Variants in APP observed in about 807,000 individuals in gnomAD.
APP encodes amyloid beta precursor protein, also known as amyloid-beta precursor protein.
In APP, 31 loss-of-function variants were observed where a neutral mutation model predicts 101.4. That is an observed-to-expected ratio of 0.31 (90% CI 0.23 to 0.41). The LOEUF (loss-of-function observed/expected upper bound fraction) is 0.41. Ranked by LOEUF, APP falls within the 10% of genes least tolerant of loss-of-function variation. The pLI is 1.00. For missense variants in APP, 839 were observed against 1,003.7 expected, an observed-to-expected ratio of 0.84 and a Z score of 2.22; for synonymous variants, 366 against 364.4, an observed-to-expected ratio of 1.00 and a Z score of -0.05.
chr21:26,089,842 G>A, intron 3 of APP, 101 bp downstream of exon 3: 2 of 1,557,792 alleles, frequency 1.3e-6, no homozygotes, highest in Non-Finnish European at 1.8e-6. Flanking sequence ...GCAATGTGCT[G>A]AAGAACAAGT....
chr21:25,990,526 A>C (rs1182801568), intron 8 of APP, among the ~76,000 whole-genome samples: 1 of 152,200 alleles, frequency 6.6e-6, no homozygotes, highest in African/African-American at 2.4e-5. Context: ...GACTTCGTTA[A>C]TGGAGGCACA....
At chr21:26,131,084 C>G (rs1156795735) in intron 1 of APP, among the ~76,000 whole-genome samples, 4 of 152,000 alleles carry the variant, frequency 2.6e-5, no homozygotes, top group African/African-American at 7.3e-5. Context: ...ATAAAATTAG[C>G]TGGGCGTGGT....
At chr21:26,044,791 G>A (rs780789805) in intron 5 of APP, among the ~76,000 whole-genome samples, 16 of 152,070 alleles carry the variant, frequency 1.1e-4, no homozygotes, top group Admixed American at 6.6e-5. Flanking sequence ...GGCCCACCTC[G>A]GCCTCCCAAA....
intron 3 of APP, among the ~76,000 whole-genome samples, chr21:26,056,902 G>C (rs567213495): frequency 1.3e-5 from 2 of 152,296 alleles, no homozygotes; most frequent in East Asian, 3.9e-4. Flanking sequence ...ATCAGAAATT[G>C]TAAGCGATTC....
intron 5 of APP, among the ~76,000 whole-genome samples, chr21:26,033,081 G>A (rs950916191): frequency 2.3e-4 from 35 of 152,294 alleles, no homozygotes; most frequent in African/African-American, 8.2e-4. Flanking sequence ...GTAGCAAACA[G>A]GACACTGTAG....
chr21:26,002,950 A>G lies in APP; in HGVS notation c.866-2768T>C, dbSNP rs540796445. ...GCAAGTCAAGTAATGGGATAAAAGA[A>G]TGATGATCGAAGGAGATGATTCATG... On this transcript the variant is annotated intron_variant, in intron 6 of 17. Coordinates refer to ENST00000346798, the MANE Select transcript of APP (RefSeq NM_000484.4). 6.6e-5 allele frequency among the ~76,000 whole-genome samples: 10 copies of G among 152,332 alleles called. No homozygotes were observed. The South Asian group carries it at 2.1e-3, about 32-fold the overall frequency.
At chr21:26,028,808 T>C (rs1304436826) in intron 5 of APP, among the ~76,000 whole-genome samples, 1 of 152,090 alleles carries the variant, frequency 6.6e-6, no homozygotes, top group East Asian at 1.9e-4. Context: ...AATCTATCTA[T>C]TAGTTGGGGA....
At chr21:26,162,901 G>A (rs1423716728) in intron 1 of APP, among the ~76,000 whole-genome samples, 1 of 116,020 alleles carries the variant, frequency 8.6e-6, no homozygotes, top group Admixed American at 8.8e-5. Flanking sequence ...CTCAAAAAAA[G>A]CATCAGGCAA....
intron 2 of APP, among the ~76,000 whole-genome samples, chr21:26,109,022 C>T (rs1330156020): frequency 3.3e-5 from 5 of 152,150 alleles, no homozygotes; most frequent in East Asian, 3.9e-4. Flanking sequence ...TTACTTATGG[C>T]GCCTAATGTT....
chr21:25,989,899 A>G (rs1035801851), intron 8 of APP, among the ~76,000 whole-genome samples: 1 of 148,238 alleles, frequency 6.7e-6, no homozygotes, highest in African/African-American at 2.6e-5. Context: ...CATGCTTATT[A>G]TAACTTAAAA....
chr21:26,138,895 G>A (rs1345504237), intron 1 of APP, among the ~76,000 whole-genome samples: 1 of 152,158 alleles, frequency 6.6e-6, no homozygotes, highest in Non-Finnish European at 1.5e-5. Context: ...GGTCAAAGAA[G>A]AGGAAAAGGA....
chr21:25,900,378 C>CAAAAAAAAAAAA (rs60231150), intron 15 of APP, among the ~76,000 whole-genome samples: 1 of 59,468 alleles, frequency 1.7e-5, no homozygotes, highest in Non-Finnish European at 3.4e-5. Context: ...ACTAAAAATA[C>CAAAAAAAAAAAA]AAAAAAAAAA....
At chr21:25,995,869 T>A (rs2043035772) in intron 8 of APP, among the ~76,000 whole-genome samples, 2 of 152,162 alleles carry the variant, frequency 1.3e-5, no homozygotes, top group Admixed American at 6.5e-5. Context: ...CAGTCTTTTT[T>A]AAAATACCTA....
At chr21:25,886,810 C>T (rs904725969) in intron 17 of APP, among the ~76,000 whole-genome samples, 1 of 152,138 alleles carries the variant, frequency 6.6e-6, no homozygotes, top group African/African-American at 2.4e-5. Context: ...GCTTTCCATT[C>T]AACCTGACCA....
At chr21:26,116,357 G>C (rs1384350082) in intron 1 of APP, among the ~76,000 whole-genome samples, 2 of 152,112 alleles carry the variant, frequency 1.3e-5, no homozygotes, top group Middle Eastern at 3.2e-3. Context: ...TTTTAGAAAT[G>C]GCTTTAAAAG....
At position 25,881,758 on chromosome 21, in the gene APP, ACAG is replaced by A. The variant is rs759157514; in HGVS notation, c.2222_2224del (p.Ala741del). ...GGACAGGTGGCGCTCCTCTGGGGTG[ACAG>A]CGGCGTCAACCTGAAAAACAAGAGG... On this transcript the variant is annotated inframe_deletion, in exon 18 of 18. Coordinates refer to ENST00000346798, the MANE Select transcript of APP (RefSeq NM_000484.4). 6.2e-6 allele frequency: 10 copies of A among 1,613,636 alleles called. No homozygotes were observed. Among genetic ancestry groups the A allele is most frequent in the Non-Finnish European group, 6.8e-6 (8 of 1,180,030 alleles).
intron 13 of APP, among the ~76,000 whole-genome samples, chr21:25,912,760 AG>A (rs2146323407): frequency 6.6e-6 from 1 of 152,334 alleles, no homozygotes; most frequent in Non-Finnish European, 1.5e-5. Context: ...TGATTAAACA[AG>A]AATCAGCTTT....
chr21:26,103,515 C>T (rs990692675), intron 2 of APP, among the ~76,000 whole-genome samples: 8 of 152,096 alleles, frequency 5.3e-5, no homozygotes, highest in African/African-American at 1.9e-4. Context: ...GCATGAGAAT[C>T]ACTTGAACCC....
chr21:25,973,617 A>G (rs2042115487), intron 11 of APP, among the ~76,000 whole-genome samples: 1 of 152,188 alleles, frequency 6.6e-6, no homozygotes, highest in South Asian at 2.1e-4. Flanking sequence ...TCACAGGCAG[A>G]GCTTTCAATA....
Sources: gnomAD v4.1 joint callset for allele counts (sites outside exome capture counted in the v4.1 genomes callset) on GRCh38, gnomAD v4.1.1 for gene constraint, MANE v1.5 for transcripts, NCBI Gene and HGNC (gene_info 2026-07-23, HGNC 2026-07-21) for gene names.